SLIT1: variants seen among roughly 807,000 people sequenced by gnomAD.
The protein encoded by SLIT1 is slit homolog 1 protein.
Under a neutral mutation model 186.1 loss-of-function variants are expected in SLIT1, and 66 were observed. That is an observed-to-expected ratio of 0.35 (90% CI 0.29 to 0.44). The LOEUF (loss-of-function observed/expected upper bound fraction) is 0.44, where lower values mean the gene tolerates loss of function less well. Ranked by LOEUF, SLIT1 falls within the 20% of genes least tolerant of loss-of-function variation. The pLI, the probability that SLIT1 is intolerant of heterozygous loss-of-function variation, is 1.00. For synonymous variants in SLIT1, 761 were observed against 833.8 expected (o/e 0.91, Z 1.50); for missense variants, 1,638 against 2,037.4 (o/e 0.80, Z 3.77).
chr10:97,061,889 G>A (rs569789858), intron 8 of SLIT1, among the ~76,000 whole-genome samples: 4 of 152,108 alleles, frequency 2.6e-5, no homozygotes, highest in African/African-American at 7.2e-5. Context: ...TTCTAACTTC[G>A]AATATTTTCC....
chr10:97,087,616 A>G (rs1020144849), intron 4 of SLIT1, among the ~76,000 whole-genome samples: 1 of 152,198 alleles, frequency 6.6e-6, no homozygotes, highest in African/African-American at 2.4e-5. Context: ...TAGTGTGCAC[A>G]CAAAGGCTCG....
In SLIT1 at chr10:97,001,333, C is replaced by A; in HGVS notation, c.4384G>T (p.Asp1462Tyr). 6.2e-7 allele frequency: 1 copy of A among 1,611,552 alleles called. No homozygotes were observed. The highest frequency in any genetic ancestry group is 2.2e-5 in the East Asian group (1 of 44,850). ...LCEQESECRG[D>Y]PVRDFHQVQR... The stretch of plus-strand genomic sequence containing the variant: ...ACCTGGTGAAAGTCCCGGACAGGGT[C>A]CCCCCGGCACTCGGACTCTGGATGG... The change falls in exon 37 of 37, where the codon GAC becomes TAC. Residue 1462 changes from aspartate to tyrosine, a missense_variant. By Grantham distance (160) the Asp-to-Tyr change is radical. This residue lies in a region of SLIT1 where 220 missense variants were observed against 211.3 expected (regional missense o/e 1.04). Coordinates refer to ENST00000266058, the MANE Select transcript of SLIT1 (RefSeq NM_003061.3).
At chr10:97,103,727 A>T (rs1849384449) in intron 4 of SLIT1, 1 of 152,212 alleles carries the variant, frequency 6.6e-6, no homozygotes, top group Non-Finnish European at 1.5e-5. Context: ...GCTGGAAAAA[A>T]ACCTCACACA....
chr10:97,014,287 T>G, intron 28 of SLIT1, 129 bp from the exon 29 acceptor site: 1 of 1,054,950 alleles, frequency 9.5e-7, no homozygotes, highest in Admixed American at 1.9e-5. Flanking sequence ...TGCCAGGTGC[T>G]GGGTAGGGTT....
chr10:97,002,046 T>C, intron 36 of SLIT1, 112 bp downstream of exon 36: 4 of 651,066 alleles, frequency 6.1e-6, no homozygotes, highest in Non-Finnish European at 2.5e-6. Context: ...TAGCCCATGG[T>C]ACAGGGCTGG....
chr10:97,074,978 G>A (rs1250420665), intron 4 of SLIT1, among the ~76,000 whole-genome samples: 3 of 152,266 alleles, frequency 2.0e-5, no homozygotes, highest in African/African-American at 4.8e-5. Flanking sequence ...GGGGGCAGGG[G>A]TGGGAGTACA....
chr10:97,108,481 C>T (rs529999335), intron 4 of SLIT1, among the ~76,000 whole-genome samples: 51 of 152,298 alleles, frequency 3.3e-4, no homozygotes, highest in Admixed American at 8.5e-4. Flanking sequence ...GCCCAGGCTC[C>T]GTGTGTCTGC....
At chr10:97,180,184 G>A (rs748772315) in intron 1 of SLIT1, among the ~76,000 whole-genome samples, 1 of 152,246 alleles carries the variant, frequency 6.6e-6, no homozygotes, top group South Asian at 2.1e-4. Flanking sequence ...GGGATCCAGC[G>A]TGACGCCCAA....
intron 8 of SLIT1, among the ~76,000 whole-genome samples, chr10:97,061,514 T>C (rs1354388813): frequency 6.6e-6 from 1 of 152,272 alleles, no homozygotes; most frequent in Non-Finnish European, 1.5e-5. Context: ...CAAAGATTTG[T>C]TCTGCTCGTT....
intron 2 of SLIT1, among the ~76,000 whole-genome samples, chr10:97,164,494 G>C (rs980087578): frequency 2.6e-5 from 4 of 152,168 alleles, no homozygotes; most frequent in Non-Finnish European, 4.4e-5. Flanking sequence ...CCAGCGGCTT[G>C]TCAGCTCTGA....
chr10:97,181,886 GCACTCTCCTGTCA>G (rs1428535258), intron 1 of SLIT1, among the ~76,000 whole-genome samples: 1 of 152,076 alleles, frequency 6.6e-6, no homozygotes, highest in Non-Finnish European at 1.5e-5. Flanking sequence ...CACACATACT[GCACTCTCCTGTCA>G]CACTCTCCTG....
chr10:97,013,669 AG>A, intron 30 of SLIT1, 71 bp downstream of exon 30: 1 of 1,088,414 alleles, frequency 9.2e-7, no homozygotes, highest in African/African-American at 1.6e-5. Flanking sequence ...TGGGGCACGG[AG>A]CCCAGACTGG....
intron 26 of SLIT1, among the ~76,000 whole-genome samples, chr10:97,020,346 C>T (rs1382018727): frequency 2.6e-5 from 4 of 152,282 alleles, no homozygotes; most frequent in Admixed American, 2.6e-4. Context: ...AACCCATTCA[C>T]TCATGATCTG....
chr10:97,105,193 A>C, intron 4 of SLIT1, among the ~76,000 whole-genome samples: 1 of 152,230 alleles, frequency 6.6e-6, no homozygotes, highest in Admixed American at 6.5e-5. Context: ...TTAACATAAA[A>C]AAGTCAGCAG....
At chr10:97,131,487 G>C (rs924619412) in intron 4 of SLIT1, among the ~76,000 whole-genome samples, 3 of 152,186 alleles carry the variant, frequency 2.0e-5, no homozygotes, top group Admixed American at 1.3e-4. Context: ...TGCTGGGTAT[G>C]GCCAACAACA....
In SLIT1 at chr10:97,059,481, C is replaced by A; in HGVS notation, c.1064G>T (p.Gly355Val). The change falls in exon 11 of 37, where the codon GGC becomes GTC. Residue 355 changes from glycine (G) to valine (V), a missense_variant. By Grantham distance (109) the Gly-to-Val change is moderately radical. This residue lies in a region of SLIT1 where 1,245 missense variants were observed against 1,535.3 expected (regional missense o/e 0.81). Coordinates refer to ENST00000266058, the MANE Select transcript of SLIT1 (RefSeq NM_003061.3). ...IAEIAPDAFQ[G>V]LRSLNSLVLY... is the part of the protein sequence containing the mutation. ...TCACAGCGAGTTCAGGGAGCGGAGG[C>A]CCTGGAAGGCGTCGGGTGCAATCTC... is the stretch of plus-strand genomic sequence containing the variant. 1 of 1,613,788 alleles carries A rather than the reference C, an allele frequency of 6.2e-7. No homozygotes were observed.
intron 4 of SLIT1, among the ~76,000 whole-genome samples, chr10:97,092,168 T>C (rs537762743): frequency 2.6e-4 from 39 of 152,310 alleles, no homozygotes; most frequent in Admixed American, 2.4e-3. Flanking sequence ...CTGGGGCCCC[T>C]GGAGGCTCTG....
rs532301414 is a variant in SLIT1 at position 97,179,985 on chromosome 10, C to T, written c.197+5493G>A. 1.8e-4 allele frequency among the ~76,000 whole-genome samples: 27 copies of T among 152,378 alleles called. No individual in the cohort carries two copies. In the East Asian group the frequency reaches 5.0e-3, roughly 28 times the overall value. On this transcript the variant is annotated intron_variant, in intron 1 of 36. Coordinates refer to ENST00000266058, the MANE Select transcript of SLIT1 (RefSeq NM_003061.3). The stretch of plus-strand genomic sequence containing the variant: ...GGAGGCGGCAACTCCGCCAAGCACC[C>T]GTCTGCTCCCAATAATGCAGGAGCC...
intron 22 of SLIT1, among the ~76,000 whole-genome samples, chr10:97,035,391 C>T (rs988150889): frequency 1.3e-5 from 2 of 152,158 alleles, no homozygotes; most frequent in African/African-American, 2.4e-5. Context: ...ACTCAAACTC[C>T]GCCCGCATCT....
Sources: gnomAD v4.1 joint callset for allele counts (sites outside exome capture counted in the v4.1 genomes callset) on GRCh38, gnomAD v4.1.1 for gene constraint, gnomAD v4.1.1 regional missense constraint, MANE v1.5 for transcripts, NCBI Gene and HGNC (gene_info 2026-07-23, HGNC 2026-07-21) for gene names.